The following INSC variants were observed in gnomAD, a reference collection of about 807,000 sequenced individuals.
The protein encoded by INSC is protein inscuteable homolog.
A neutral mutation model predicts 58.6 loss-of-function variants in INSC; 67 were observed. The observed-to-expected ratio is 1.14, with a 90% confidence interval of 0.94 to 1.40. INSC has a LOEUF of 1.40. INSC is among the 40% of genes most tolerant of loss of function. The pLI, the probability that INSC is intolerant of heterozygous loss-of-function variation, is 0.00. For synonymous variants in INSC, 262 were observed against 276.1 expected, an observed-to-expected ratio of 0.95 and a Z score of 0.51; for missense variants, 714 against 692.0, an observed-to-expected ratio of 1.03 and a Z score of -0.36.
At chr11:15,133,394 G>T (rs1429705880) in intron 1 of INSC, among the ~76,000 whole-genome samples, 1 of 152,080 alleles carries the variant, frequency 6.6e-6, no homozygotes, top group African/African-American at 2.4e-5. Flanking sequence ...CTTCGAAAAT[G>T]TTTCCATGAC....
At chr11:15,154,201 G>T (rs1848738327) in intron 2 of INSC, among the ~76,000 whole-genome samples, 2 of 152,194 alleles carry the variant, frequency 1.3e-5, no homozygotes, top group South Asian at 4.1e-4. Flanking sequence ...CACACAGTAG[G>T]ATCTCAATAA....
chr11:15,179,227 G>T (rs1053330922), intron 5 of INSC, among the ~76,000 whole-genome samples: 10 of 152,166 alleles, frequency 6.6e-5, no homozygotes, highest in Non-Finnish European at 1.0e-4. Context: ...AAGGTGTTTA[G>T]CACATAGTGT....
intron 6 of INSC, among the ~76,000 whole-genome samples, chr11:15,192,101 T>A (rs1162246457): frequency 2.0e-5 from 3 of 152,234 alleles, no homozygotes; most frequent in African/African-American, 7.2e-5. Context: ...TGCTTCTCAA[T>A]TATGTTGGCA....
intron 6 of INSC, among the ~76,000 whole-genome samples, chr11:15,196,016 C>G (rs1379266014): frequency 6.6e-6 from 1 of 152,252 alleles, no homozygotes; most frequent in Admixed American, 6.5e-5. Flanking sequence ...TTTCTGTCCA[C>G]AGGCTTCTCA....
At chr11:15,250,503 G>A (rs926380367), downstream of INSC, among the ~76,000 whole-genome samples, 30 of 152,172 alleles carry the variant, frequency 2.0e-4, no homozygotes, top group African/African-American at 7.2e-4. Context: ...CCCCTTGATA[G>A]TATCCCTTCT....
chr11:15,153,181 T>A (rs1440236247), intron 2 of INSC, among the ~76,000 whole-genome samples: 1 of 152,244 alleles, frequency 6.6e-6, no homozygotes, highest in Non-Finnish European at 1.5e-5. Flanking sequence ...ATTCAGTAAC[T>A]TCTCTTTTGG....
chr11:15,244,339 T>A (rs780077259), intron 12 of INSC, among the ~76,000 whole-genome samples: 11 of 152,178 alleles, frequency 7.2e-5, no homozygotes, highest in Non-Finnish European at 1.3e-4. Context: ...TACTTCCTGT[T>A]GCTAGGGTCA....
At chr11:15,260,252 G>A in the INSC span, among the ~76,000 whole-genome samples, 6 of 152,144 alleles carry the variant, frequency 3.9e-5, no homozygotes, top group Admixed American at 3.3e-4. Flanking sequence ...GATAGTGGCT[G>A]TAAATGTCAT....
At chr11:15,149,597 G>C (rs779852948) in intron 2 of INSC, among the ~76,000 whole-genome samples, 2 of 152,156 alleles carry the variant, frequency 1.3e-5, no homozygotes, top group African/African-American at 2.4e-5. Flanking sequence ...GCATCAAGGA[G>C]AAAACTGAGC....
In INSC at chr11:15,225,724, G is replaced by A. The variant is rs1251116821; in HGVS notation, c.1066G>A (p.Asp356Asn). 1 of 1,613,988 alleles carries A rather than the reference G, an allele frequency of 6.2e-7. No individual in the cohort carries two copies. Among genetic ancestry groups the A allele is most frequent in the African/African-American group, 1.3e-5 (1 of 74,916 alleles). ...SAALANITFF[D>N]TMACEMLLQL... ...GGCCCTTGCCAACATCACGTTCTTT[G>A]ACACAATGGCCTGCGAGATGCTCCT... The change falls in exon 9 of 13, where the codon GAC becomes AAC. Residue 356 changes from aspartate (D) to asparagine (N), a missense_variant. Coordinates refer to ENST00000379556, the MANE Select transcript of INSC (RefSeq NM_001042536.3).
At chr11:15,230,187 C>A (rs1006304058) in intron 9 of INSC, among the ~76,000 whole-genome samples, 2 of 147,154 alleles carry the variant, frequency 1.4e-5, no homozygotes, top group African/African-American at 2.5e-5. Context: ...CAGACCTTGT[C>A]TCAAAAATAA....
chr11:15,122,926 G>A (rs564726842), intron 1 of INSC, among the ~76,000 whole-genome samples: 1 of 152,196 alleles, frequency 6.6e-6, no homozygotes, highest in Non-Finnish European at 1.5e-5. Flanking sequence ...TTAAGATAAA[G>A]ACCACACTCC....
intron 1 of INSC, among the ~76,000 whole-genome samples, chr11:15,128,844 C>T (rs546060345): frequency 6.6e-6 from 1 of 152,336 alleles, no homozygotes; most frequent in African/African-American, 2.4e-5. Flanking sequence ...GACAGTCCAG[C>T]CCTGCTGTCT....
At chr11:15,245,060 A>G (rs1852505461) in intron 12 of INSC, among the ~76,000 whole-genome samples, 1 of 152,204 alleles carries the variant, frequency 6.6e-6, no homozygotes. Context: ...TGCTATAGAT[A>G]CAGAGAAATA....
chr11:15,163,816 T>G (rs1323871434), intron 2 of INSC, among the ~76,000 whole-genome samples: 1 of 152,154 alleles, frequency 6.6e-6, no homozygotes, highest in Admixed American at 6.5e-5. Flanking sequence ...ATGGTCTCGA[T>G]CTCCTGACCT....
intron 1 of INSC, among the ~76,000 whole-genome samples, chr11:15,130,356 T>G (rs557790767): frequency 6.6e-6 from 1 of 152,278 alleles, no homozygotes; most frequent in African/African-American, 2.4e-5. Context: ...GGCCGTAAGG[T>G]TTTTTCCTTC....
chr11:15,112,064 A>G (rs1466312367), upstream of INSC, among the ~76,000 whole-genome samples: 1 of 152,194 alleles, frequency 6.6e-6, no homozygotes, highest in Non-Finnish European at 1.5e-5. Context: ...AATGTCTCTG[A>G]GCATGTCTTG....
At chr11:15,253,978 G>A in the INSC span, among the ~76,000 whole-genome samples, 4 of 152,208 alleles carry the variant, frequency 2.6e-5, no homozygotes, top group African/African-American at 9.6e-5. Flanking sequence ...AATTGAAGGA[G>A]CCTTTCCTCA....
At chr11:15,206,109 T>G (rs1201281542) in intron 7 of INSC, among the ~76,000 whole-genome samples, 1 of 152,178 alleles carries the variant, frequency 6.6e-6, no homozygotes, top group Non-Finnish European at 1.5e-5. Context: ...CTGACATCAC[T>G]CCTCATTCCC....
Sources: allele counts gnomAD v4.1 joint callset (sites outside exome capture counted in the v4.1 genomes callset), GRCh38; gene constraint gnomAD v4.1.1; transcripts MANE v1.5; gene names NCBI Gene and HGNC (gene_info 2026-07-23, HGNC 2026-07-21).